Variants in TMEM230 observed in about 807,000 individuals in gnomAD.
The protein encoded by TMEM230 is transmembrane protein 230, also known as UPF0414 transmembrane protein C20orf30.
In TMEM230, 10 loss-of-function variants were observed where a neutral mutation model predicts 15.8. The observed-to-expected ratio is 0.63, with a 90% CI of 0.39 to 1.07. TMEM230 has a LOEUF of 1.07. Among genes scored for constraint, TMEM230 ranks in the 50% least tolerant of loss-of-function variants. The pLI is 0.01. For missense variants in TMEM230, 165 were observed against 193.3 expected, an observed-to-expected ratio of 0.85 and a Z score of 0.87; for synonymous variants, 67 against 76.9, an observed-to-expected ratio of 0.87 and a Z score of 0.68.
At position 5,100,095 on chromosome 20, in the gene TMEM230, G is replaced by A. The variant is rs1006081887; in HGVS notation, c.*696C>T. On this transcript the variant is annotated 3_prime_UTR_variant, in exon 5 of 5. Transcript: ENST00000342308. ...TCATTAGGAAACAGCCAAAAGTCCG[G>A]CCGTTAAAGGAATAATCTGCAGAAC... The A allele has an allele frequency of 1.0e-6, 1 of 985,212 alleles. No homozygotes were observed. Among genetic ancestry groups the A allele is most frequent in the African/African-American group, 1.7e-5 (1 of 57,204 alleles). 61.0% of individuals were successfully genotyped at this position (985,212 alleles called of 1,614,324 possible).
chr20:5,094,484 G>A (rs2089606474), intron 3 of TMEM230, among the ~76,000 whole-genome samples: 2 of 151,516 alleles, frequency 1.3e-5, no homozygotes, highest in Admixed American at 1.3e-4. Flanking sequence ...TGAGGCGGGA[G>A]GATCACGAGG....
At chr20:5,066,915 C>G (rs934512364), downstream of TMEM230, among the ~76,000 whole-genome samples, 2 of 152,070 alleles carry the variant, frequency 1.3e-5, no homozygotes, top group Non-Finnish European at 2.9e-5. Flanking sequence ...CATCCAAGCC[C>G]CTGTTTAAGC....
chr20:5,059,972 A>G, the TMEM230 span, among the ~76,000 whole-genome samples: 67 of 152,008 alleles, frequency 4.4e-4, 3 homozygotes. Context: ...GGGTTTCACC[A>G]TGTTGGCCAG....
At chr20:5,095,644 TGAG>T (rs1264639652), downstream of TMEM230, among the ~76,000 whole-genome samples, 2 of 151,926 alleles carry the variant, frequency 1.3e-5, no homozygotes, top group Non-Finnish European at 2.9e-5. Flanking sequence ...AGTCTCAAGG[TGAG>T]GAGATGGACT....
At chr20:5,091,997 CTCAAGTT>C (rs2089521126) in intron 3 of TMEM230, among the ~76,000 whole-genome samples, 1 of 152,272 alleles carries the variant, frequency 6.6e-6, no homozygotes, top group Non-Finnish European at 1.5e-5. Context: ...CCAAAGTACT[CTCAAGTT>C]TCAAGTTTTG....
chr20:5,084,587 T>C (rs946362267), intron 3 of TMEM230, among the ~76,000 whole-genome samples: 1 of 151,958 alleles, frequency 6.6e-6, no homozygotes, highest in Non-Finnish European at 1.5e-5. Flanking sequence ...CAGGCTGGAG[T>C]GCAGTGGCGC....
At chr20:5,097,843 T>C (rs573608263), downstream of TMEM230, among the ~76,000 whole-genome samples, 13 of 134,072 alleles carry the variant, frequency 9.7e-5, no homozygotes, top group South Asian at 3.8e-3. Context: ...ACTCCTGACC[T>C]CAAGTGATCC....
intron 4 of TMEM230, 147 bp downstream of exon 3, chr20:5,106,041 A>T: frequency 1.6e-6 from 2 of 1,259,366 alleles, no homozygotes; most frequent in Non-Finnish European, 2.1e-6. Context: ...ACAGAGCAAG[A>T]CCCTGTCTCA....
intron 3 of TMEM230, among the ~76,000 whole-genome samples, chr20:5,072,624 G>C (rs990078567): frequency 2.6e-5 from 4 of 151,942 alleles, no homozygotes; most frequent in Non-Finnish European, 2.9e-5. Flanking sequence ...TGAGGTGGGC[G>C]GATCACCTGA....
chr20:5,103,341 G>GT (rs1311037372), intron 4 of TMEM230, among the ~76,000 whole-genome samples: 1 of 152,110 alleles, frequency 6.6e-6, no homozygotes, highest in Non-Finnish European at 1.5e-5. Context: ...ACTCACACCT[G>GT]TAACTCCAGC....
intron 3 of TMEM230, among the ~76,000 whole-genome samples, chr20:5,073,809 G>A (rs6038058): frequency 0.066 from 10,030 of 152,258 alleles, 1,060 homozygotes; most frequent in African/African-American, 0.22. Flanking sequence ...AGCAGACACC[G>A]GAAGAACTCT....
chr20:5,105,963 G>A (rs2090061027), intron 4 of TMEM230, among the ~76,000 whole-genome samples: 2 of 152,064 alleles, frequency 1.3e-5, no homozygotes, highest in South Asian at 2.1e-4. Context: ...CTACTCGGGA[G>A]GCTGAGGTGA....
At chr20:5,080,085 A>C (rs1421097531) in intron 3 of TMEM230, among the ~76,000 whole-genome samples, 1 of 152,206 alleles carries the variant, frequency 6.6e-6, no homozygotes. Flanking sequence ...ATTTTGTTTT[A>C]TAGTTATTGT....
chr20:5,060,895 CTGATAATACCAGATA>C, the TMEM230 span: 2 of 152,136 alleles, frequency 1.3e-5, no homozygotes, highest in Non-Finnish European at 2.9e-5. Flanking sequence ...TTCAGTTTTA[CTGATAATACCAGATA>C]GTTTTCCAAA....
Position 5,076,630 on chromosome 20 carries a change from T to G in TMEM230, c.223-7281A>C, listed in dbSNP as rs367937744. Among the ~76,000 whole-genome samples the G allele has an allele frequency of 9.2e-5, 14 of 152,154 alleles. No homozygotes were observed. The South Asian group carries it at 2.9e-3, about 32-fold the overall frequency. On this transcript the variant is annotated intron_variant, in intron 3 of 3. Transcript: ENST00000612323. Reference sequence around the variant, plus strand: ...CTGTTATGTAACAGGCATCTATGTATATTCTCTGTGTATACTTTGCCTGTT... The same window carrying G: ...CTGTTATGTAACAGGCATCTATGTAGATTCTCTGTGTATACTTTGCCTGTT...
rs374818945 is a variant in TMEM230 at position 5,100,722 on chromosome 20, T to C, written c.*69A>G. 1 of 1,583,302 alleles carries C rather than the reference T, an allele frequency of 6.3e-7. No individual in the cohort carries two copies. Among genetic ancestry groups the C allele is most frequent in the East Asian group, 2.3e-5 (1 of 44,260 alleles). The stretch of plus-strand genomic sequence containing the variant: ...TGCAGAATTCCTTAGTCCTCAGCTA[T>C]AGTTTCTGCTAGATATCTTAAAGCT... On this transcript the variant is annotated 3_prime_UTR_variant, in exon 5 of 5. Coordinates refer to ENST00000342308, the MANE Select transcript of TMEM230 (RefSeq NM_001009923.2).
chr20:5,112,713 T>G, intron 1 of TMEM230: 1 of 1,426,946 alleles, frequency 7.0e-7, no homozygotes, highest in Non-Finnish European at 9.2e-7. Flanking sequence ...TGCCTGGCAT[T>G]ACGCGCCTCT....
intron 3 of TMEM230, among the ~76,000 whole-genome samples, chr20:5,084,675 A>C (rs544733709): frequency 3.3e-5 from 5 of 152,206 alleles, no homozygotes; most frequent in African/African-American, 1.2e-4. Context: ...CTGGAACTAC[A>C]GGCGTGTGCC....
chr20:5,092,778 T>C (rs942850726), intron 3 of TMEM230, among the ~76,000 whole-genome samples: 1 of 150,798 alleles, frequency 6.6e-6, no homozygotes, highest in Admixed American at 6.6e-5. Context: ...ATCATCTCAA[T>C]AGATGCAGAA....
Sources: allele counts gnomAD v4.1 joint callset (sites outside exome capture counted in the v4.1 genomes callset), GRCh38; gene constraint gnomAD v4.1.1; transcripts MANE v1.5; gene names NCBI Gene and HGNC (gene_info 2026-07-23, HGNC 2026-07-21).